The following DGKI variants were observed in gnomAD, a reference collection of about 807,000 sequenced individuals.
DGKI encodes the protein diacylglycerol kinase iota, also known as DAG kinase iota.
DGKI carries 55 observed loss-of-function variants against 147.5 expected under a neutral mutation model. The observed-to-expected ratio is 0.37, with a 90% CI of 0.30 to 0.47. The LOEUF (loss-of-function observed/expected upper bound fraction) is 0.47, where lower values mean the gene tolerates loss of function less well. DGKI is among the 20% of genes least tolerant of loss of function. DGKI has a pLI of 1.00. For missense variants in DGKI, 1,007 were observed against 1,323.8 expected, an observed-to-expected ratio of 0.76 and a Z score of 3.71; for synonymous variants, 469 against 477.1, an observed-to-expected ratio of 0.98 and a Z score of 0.22.
chr7:137,423,363 G>A lies in DGKI; in HGVS notation c.2762-11156C>T, dbSNP rs10254697. On this transcript the variant is annotated intron_variant, in intron 28 of 32. Coordinates refer to ENST00000614521, the MANE Select transcript of DGKI (RefSeq NM_001321708.2). Reference sequence around the variant, plus strand: ...ATCAGGGTCCCTGAACTCACTGGATGTGTTTTAGCAGTGTCCTTCAAGGCC... The same window carrying A: ...ATCAGGGTCCCTGAACTCACTGGATATGTTTTAGCAGTGTCCTTCAAGGCC... 8.3e-3 allele frequency among the ~76,000 whole-genome samples: 1,266 copies of A among 152,280 alleles called. 17 individuals are homozygous for A. The highest frequency in any genetic ancestry group is 0.029 in the African/African-American group (1,213 of 41,552).
At chr7:137,644,460 T>C (rs1323512075) in intron 6 of DGKI, among the ~76,000 whole-genome samples, 1 of 152,136 alleles carries the variant, frequency 6.6e-6, no homozygotes, top group Non-Finnish European at 1.5e-5. Flanking sequence ...GCAAAATTAA[T>C]GCAATTTTTT....
chr7:137,567,216 A>G (rs1250110922), intron 19 of DGKI, among the ~76,000 whole-genome samples: 1 of 151,018 alleles, frequency 6.6e-6, no homozygotes, highest in Non-Finnish European at 1.5e-5. Flanking sequence ...GTGAGCCGAG[A>G]TTGCACCATT....
chr7:137,615,831 G>A (rs944079249), intron 8 of DGKI, among the ~76,000 whole-genome samples: 17 of 151,910 alleles, frequency 1.1e-4, no homozygotes, highest in African/African-American at 3.4e-4. Flanking sequence ...CATTGGTGTC[G>A]AAGAGTTTCA....
At chr7:137,472,073 TTA>T (rs1487627469) in intron 23 of DGKI, among the ~76,000 whole-genome samples, 13 of 124,764 alleles carry the variant, frequency 1.0e-4, no homozygotes, top group East Asian at 4.5e-4. Context: ...TACATATATA[TTA>T]TGTTATATAT....
rs1257555077 is a variant in DGKI, at chr7:137,587,146, A to G, written c.1376T>C (p.Leu459Pro). Residue 459 changes from leucine to proline, a missense_variant, in exon 13 of 33, where the codon CTT becomes CCT. Physicochemically the swap from Leu to Pro is moderately conservative, Grantham distance 98 (BLOSUM62 -3). Around this residue, in one of 5 missense-constraint regions of DGKI, gnomAD observed 224 missense variants for 382.7 expected, o/e 0.59. Transcript: ENST00000614521. The stretch of plus-strand genomic sequence containing the variant: ...CAGGTCATTCCCAGTCCCCAGAGGA[A>G]GGACCCCCACAGGAGGCTGAGGGCT... ...QLSPQPPVGVLPLGTGNDLAR... is the reference protein window; with the variant it reads ...QLSPQPPVGVPPLGTGNDLAR... 6.2e-7 allele frequency: 1 copy of G among 1,612,744 alleles called. No homozygotes were observed. Among genetic ancestry groups the G allele is most frequent in the African/African-American group, 1.3e-5 (1 of 74,824 alleles).
At chr7:137,842,461 G>A (rs1036951461) in intron 1 of DGKI, among the ~76,000 whole-genome samples, 14 of 152,128 alleles carry the variant, frequency 9.2e-5, no homozygotes, top group Non-Finnish European at 1.6e-4. Flanking sequence ...TTTAAGAAAG[G>A]TTTAGTATTA....
chr7:137,463,637 G>C, intron 26 of DGKI, 26 bp from the exon 27 acceptor site: 1 of 1,606,284 alleles, frequency 6.2e-7, no homozygotes, highest in Non-Finnish European at 8.5e-7. Context: ...GCACCAGACA[G>C]TTAAACATTC....
intron 1 of DGKI, chr7:137,771,520 A>G (rs933218925): frequency 3.3e-5 from 5 of 152,232 alleles, no homozygotes; most frequent in Admixed American, 6.5e-5. Flanking sequence ...AGTATGCCAG[A>G]AAGCAGTTTT....
At chr7:137,733,090 T>A (rs1021780755) in intron 1 of DGKI, among the ~76,000 whole-genome samples, 1 of 151,960 alleles carries the variant, frequency 6.6e-6, no homozygotes, top group Non-Finnish European at 1.5e-5. Flanking sequence ...AAAATACATA[T>A]AACATAAAAT....
At chr7:137,743,881 G>T (rs911580174) in intron 1 of DGKI, among the ~76,000 whole-genome samples, 4 of 151,760 alleles carry the variant, frequency 2.6e-5, no homozygotes, top group African/African-American at 9.7e-5. Flanking sequence ...TACTCGGGAG[G>T]CTGAGGCAGG....
chr7:137,565,500 C>T (rs1015741256), intron 19 of DGKI, among the ~76,000 whole-genome samples: 2 of 152,112 alleles, frequency 1.3e-5, no homozygotes, highest in African/African-American at 4.8e-5. Flanking sequence ...GTCCTTTTTA[C>T]TCACTGGATA....
rs1267705329 is a variant in DGKI at position 137,493,375 on chromosome 7, A to C, written c.2249-5686T>G. On this transcript the variant is annotated intron_variant, in intron 21 of 32. Transcript: ENST00000614521. ...AGCTGATGAGCATGCATGTCATCAC[A>C]CTGCTGTTGCTTCTGGCATGTACAA... Among the ~76,000 whole-genome samples the C allele has an allele frequency of 2.0e-5, 3 of 152,136 alleles. No individual in the cohort carries two copies. The East Asian group carries it at 5.8e-4, about 29-fold the overall frequency.
rs996352958 is a variant in DGKI, at chr7:137,388,840, A to G, written c.*2380T>C. 6.6e-6 allele frequency: 1 copy of G among 151,664 alleles called. No homozygotes were observed. The highest frequency in any genetic ancestry group is 1.5e-5 in the Non-Finnish European group (1 of 67,946). The allele number at this position is 151,664 out of a possible 1,614,324, so 9.4% of individuals were successfully genotyped here. ...TTGGTTTGAAAAAATTTCCAAATGC[A>G]TCAGGAATCTTACAGTACCAACTCA... On this transcript the variant is annotated 3_prime_UTR_variant, in exon 33 of 33. Transcript: ENST00000614521.
chr7:137,643,961 C>CA (rs1254816895), intron 6 of DGKI, among the ~76,000 whole-genome samples: 1 of 152,110 alleles, frequency 6.6e-6, no homozygotes, highest in Non-Finnish European at 1.5e-5. Flanking sequence ...ATCTCTGACC[C>CA]AAAAAATGGC....
At chr7:137,543,326 T>C (rs932442149) in intron 20 of DGKI, among the ~76,000 whole-genome samples, 1 of 152,190 alleles carries the variant, frequency 6.6e-6, no homozygotes, top group Non-Finnish European at 1.5e-5. Context: ...TTTTGTCCTA[T>C]TGGATGAGAC....
chr7:137,641,763 A>G (rs1821636295), intron 6 of DGKI, among the ~76,000 whole-genome samples: 1 of 152,238 alleles, frequency 6.6e-6, no homozygotes, highest in Non-Finnish European at 1.5e-5. Context: ...GAAATTTTTA[A>G]ATTTTGATTT....
chr7:137,719,176 T>C (rs1563165340), intron 1 of DGKI, among the ~76,000 whole-genome samples: 1 of 152,120 alleles, frequency 6.6e-6, no homozygotes, highest in Non-Finnish European at 1.5e-5. Flanking sequence ...ACATTCTCTG[T>C]GTCTGAGGTG....
chr7:137,469,718 T>C lies in DGKI; in HGVS notation c.2374-99A>G, dbSNP rs939241951. 16 of 1,007,378 alleles carry C rather than the reference T, an allele frequency of 1.6e-5. No individual in the cohort carries two copies. In the African/African-American group the frequency reaches 2.1e-4, roughly 13 times the overall value. The allele number at this position is 1,007,378 out of a possible 1,614,324, so 62.4% of individuals were successfully genotyped here. A position where few individuals can be genotyped will look rare whatever the true frequency, so the allele number is the denominator to read the frequency against. ...CATCCTTTCCTACACAAAGCACTGG[T>C]GAGAAGAGCAAATCACATTTTTTTT... On this transcript the variant is annotated intron_variant, in intron 23 of 32. Coordinates refer to ENST00000614521, the MANE Select transcript of DGKI (RefSeq NM_001321708.2).
At chr7:137,535,757 G>T (rs940934004) in intron 20 of DGKI, among the ~76,000 whole-genome samples, 1 of 152,090 alleles carries the variant, frequency 6.6e-6, no homozygotes, top group Non-Finnish European at 1.5e-5. Context: ...TGTGGAAGGG[G>T]CCCTAAGTGT....
Sources: allele counts gnomAD v4.1 joint callset (sites outside exome capture counted in the v4.1 genomes callset), GRCh38; gene constraint gnomAD v4.1.1; regional missense constraint gnomAD v4.1.1; transcripts MANE v1.5; gene names NCBI Gene and HGNC (gene_info 2026-07-23, HGNC 2026-07-21).